Variants in HTRA4 observed in about 807,000 individuals in gnomAD.
HTRA4 encodes the protein HtrA serine peptidase 4.
HTRA4 carries 46 observed loss-of-function variants against 49.1 expected under a neutral mutation model. The ratio of observed to expected loss-of-function variants is 0.94; its 90% confidence interval spans 0.74 to 1.20. HTRA4 has a LOEUF of 1.20. HTRA4 is among the 50% of genes most tolerant of loss of function. The pLI is 0.00. For synonymous variants in HTRA4, 261 were observed against 264.0 expected, an observed-to-expected ratio of 0.99 and a Z score of 0.11; for missense variants, 602 against 636.9, an observed-to-expected ratio of 0.95 and a Z score of 0.59.
chr8:38,974,700 C>T lies in HTRA4; in HGVS notation c.437C>T (p.Pro146Leu). The T allele has an allele frequency of 7.0e-7, 1 of 1,421,302 alleles. No homozygotes were observed. Among genetic ancestry groups the T allele is most frequent in the Non-Finnish European group, 9.1e-7 (1 of 1,098,120 alleles). 88.0% of individuals were successfully genotyped at this position (1,421,302 alleles called of 1,614,324 possible). ...CGCCTGGGCAAGGTCCCGGCCGTGC[C>T]TGTGCAGTGGGGGAACTGCGGGGAT... is the stretch of plus-strand genomic sequence containing the variant. Reference protein sequence around the residue: ...ARRLGKVPAVPVQWGNCGDTG... With the variant: ...ARRLGKVPAVLVQWGNCGDTG... Residue 146 changes from proline to leucine, a missense_variant, in exon 1 of 9, where the codon CCT (proline) becomes CTT (leucine). Pro to Leu is a moderately conservative substitution (Grantham distance 98). Coordinates refer to ENST00000302495, the MANE Select transcript of HTRA4 (RefSeq NM_153692.4).
At chr8:38,985,931 C>T (rs189042488) in intron 8 of HTRA4, among the ~76,000 whole-genome samples, 70 of 152,300 alleles carry the variant, frequency 4.6e-4, no homozygotes, top group Non-Finnish European at 9.1e-4. Flanking sequence ...CATGGTGGCT[C>T]ATGCCATGAT....
At chr8:38,976,800 T>C in intron 3 of HTRA4, 61 bp downstream of exon 3, 2 of 1,520,530 alleles carry the variant, frequency 1.3e-6, no homozygotes, top group African/African-American at 2.7e-5. Context: ...TATTTGCTGA[T>C]ATTTTCTGCC....
intron 5 of HTRA4, 146 bp from the exon 6 acceptor site, chr8:38,981,507 G>A (rs1041730251): frequency 1.3e-5 from 8 of 613,922 alleles, no homozygotes; most frequent in Non-Finnish European, 2.0e-5. Context: ...AGGAACATCC[G>A]TTGCTCTCTT....
chr8:38,983,611 G>A (rs1394676687), intron 8 of HTRA4, among the ~76,000 whole-genome samples: 4 of 151,998 alleles, frequency 2.6e-5, no homozygotes, highest in African/African-American at 7.3e-5. Flanking sequence ...GAAACAGAGT[G>A]TAAAATAACT....
At chr8:38,983,210 C>T (rs1029530874) in intron 8 of HTRA4, among the ~76,000 whole-genome samples, 162 bp downstream of exon 8, 2 of 152,154 alleles carry the variant, frequency 1.3e-5, no homozygotes, top group Admixed American at 1.3e-4. Context: ...GACTGAGGAA[C>T]TGAATTTTGA....
At chr8:38,981,935 C>T (rs1382426261) in intron 6 of HTRA4, among the ~76,000 whole-genome samples, 168 bp downstream of exon 6, 1 of 152,048 alleles carries the variant, frequency 6.6e-6, no homozygotes, top group Non-Finnish European at 1.5e-5. Flanking sequence ...GCAACCTCTG[C>T]CTCCTGGGTT....
At chr8:38,978,391 G>A (rs866844703) in intron 4 of HTRA4, among the ~76,000 whole-genome samples, 30 of 152,212 alleles carry the variant, frequency 2.0e-4, no homozygotes, top group African/African-American at 7.2e-4. Context: ...ACTCATGCCC[G>A]ATGATCTGAG....
chr8:38,977,236 TCTAA>T (rs1405372695), intron 3 of HTRA4, among the ~76,000 whole-genome samples: 2 of 151,078 alleles, frequency 1.3e-5, no homozygotes, highest in Non-Finnish European at 2.9e-5. Flanking sequence ...GCGCTTGGCC[TCTAA>T]CTGTTTCTAT....
At position 38,988,187 on chromosome 8, in the gene HTRA4, A is replaced by T; in HGVS notation, c.*89A>T. 3 of 1,219,110 alleles carry T rather than the reference A, an allele frequency of 2.5e-6. No individual in the cohort carries two copies. Among genetic ancestry groups the T allele is most frequent in the Admixed American group, 3.2e-5 (1 of 31,474 alleles). 75.5% of individuals were successfully genotyped at this position (1,219,110 alleles called of 1,614,324 possible). A position where few individuals can be genotyped will look rare whatever the true frequency, so the allele number is the denominator to read the frequency against. On this transcript the variant is annotated 3_prime_UTR_variant, in exon 9 of 9. Coordinates refer to ENST00000302495, the MANE Select transcript of HTRA4 (RefSeq NM_153692.4). ...TTGGAGATGTGCCAAACATGGCAAG[A>T]AGTTTTTGGATCTTTTTCTTACAAA...
chr8:38,981,828 A>G (rs1835428213), intron 6 of HTRA4, 61 bp downstream of exon 6: 4 of 1,199,892 alleles, frequency 3.3e-6, no homozygotes, highest in Non-Finnish European at 4.9e-6. Flanking sequence ...GGAACACTCA[A>G]TCTTTTGTGG....
chr8:38,982,152 G>A (rs1368727690), intron 6 of HTRA4, among the ~76,000 whole-genome samples: 1 of 152,140 alleles, frequency 6.6e-6, no homozygotes, highest in Non-Finnish European at 1.5e-5. Flanking sequence ...CTGGCCCGGA[G>A]ACAGCCATTT....
rs372410798 is a variant in HTRA4, at chr8:38,979,259, C to T, written c.999+12C>T. 1 of 1,610,300 alleles carries T rather than the reference C, an allele frequency of 6.2e-7. No individual in the cohort carries two copies. The highest frequency in any genetic ancestry group is 1.7e-5 in the Admixed American group (1 of 59,984). On this transcript the variant is annotated intron_variant, in intron 5 of 8. Coordinates refer to ENST00000302495, the MANE Select transcript of HTRA4 (RefSeq NM_153692.4). ...CTCTGGTGAACTTGGTAAGTGATCA[C>T]TTTCCTTGTTGCTTCATGTTTCTTC...
At chr8:38,983,109 A>G (rs2129427701) in intron 8 of HTRA4, 61 bp downstream of exon 8, 3 of 1,094,130 alleles carry the variant, frequency 2.7e-6, no homozygotes, top group Non-Finnish European at 2.8e-6. Flanking sequence ...TGCCATGGTA[A>G]AATGCATGGG....
In HTRA4 at chr8:38,981,063, G is replaced by GTTTTTTTTTTTT. The variant is rs71216700; in HGVS notation, c.1000-567_1000-556dup. Among the ~76,000 whole-genome samples the GTTTTTTTTTTTT allele has an allele frequency of 6.0e-4, 29 of 48,136 alleles. 3 individuals are homozygous for GTTTTTTTTTTTT. The highest frequency in any genetic ancestry group is 2.2e-3 in the East Asian group (2 of 914). The allele number at this position is 48,136 out of a possible 152,430, so 31.6% of individuals were successfully genotyped here. Reference sequence around the variant, plus strand: ...TACTAAAGGAAAAAAATGAGCTTAAGTTTTTTTTTTTTTTTTTTTTTTTTT... The same window carrying GTTTTTTTTTTTT: ...TACTAAAGGAAAAAAATGAGCTTAAGTTTTTTTTTTTTTTTTTTTTTTTTTTTTTTTTTTTTT... On this transcript the variant is annotated intron_variant, in intron 5 of 8. Coordinates refer to ENST00000302495, the MANE Select transcript of HTRA4 (RefSeq NM_153692.4).
At chr8:38,982,666 A>T in intron 7 of HTRA4, 111 bp downstream of exon 7, 1 of 944,192 alleles carries the variant, frequency 1.1e-6, no homozygotes, top group Non-Finnish European at 1.7e-6. Flanking sequence ...TACTCTTGTG[A>T]CCATAGGCCC....
At chr8:38,981,105 A>C (rs1401316396) in intron 5 of HTRA4, among the ~76,000 whole-genome samples, 2 of 74,970 alleles carry the variant, frequency 2.7e-5, no homozygotes, top group Non-Finnish European at 4.8e-5. Flanking sequence ...TTTGAGACGG[A>C]GTCTCGCTAG....
intron 2 of HTRA4, among the ~76,000 whole-genome samples, chr8:38,975,662 G>C (rs971853662): frequency 6.6e-6 from 1 of 152,188 alleles, no homozygotes; most frequent in Non-Finnish European, 1.5e-5. Context: ...TGCCACCTTA[G>C]CCTCCCGACG....
intron 2 of HTRA4, 115 bp downstream of exon 2, chr8:38,975,245 G>A (rs1431454207): frequency 4.8e-6 from 5 of 1,035,442 alleles, no homozygotes; most frequent in Middle Eastern, 3.0e-4. Context: ...AGGAAACTGA[G>A]ACGTAAAGAG....
In HTRA4 at chr8:38,974,516, GGCCAACCGTGCGCCCCGGGGCTGCAGT is replaced by G; in HGVS notation, c.257_283del (p.Gln86_Cys94del). ...GCGTGAAGTCTGCGGCGGGGCGCAG[GGCCAACCGTGCGCCCCGGGGCTGCAGT>G]GCCTCCAGCCGCTGCGCCCCGGGTT... On this transcript the variant is annotated inframe_deletion, in exon 1 of 9. Transcript: ENST00000302495. 2.1e-6 allele frequency: 3 copies of G among 1,446,740 alleles called. No homozygotes were observed. The highest frequency in any genetic ancestry group is 2.9e-5 in the East Asian group (1 of 34,806). 89.6% of individuals were successfully genotyped at this position (1,446,740 alleles called of 1,614,324 possible). A position where few individuals can be genotyped will look rare whatever the true frequency, so the allele number is the denominator to read the frequency against.
Sources: gnomAD v4.1 joint callset for allele counts (sites outside exome capture counted in the v4.1 genomes callset) on GRCh38, gnomAD v4.1.1 for gene constraint, MANE v1.5 for transcripts, NCBI Gene and HGNC (gene_info 2026-07-23, HGNC 2026-07-21) for gene names.